SAGE1: variants seen among roughly 807,000 people sequenced by gnomAD.
SAGE1 encodes the protein cancer/testis antigen 14.
Under a neutral mutation model 55.4 loss-of-function variants are expected in SAGE1, and 55 were observed. That is an observed-to-expected ratio of 0.99 (90% CI 0.80 to 1.24). The LOEUF is 1.24. Ranked by LOEUF, SAGE1 falls within the 50% of genes most tolerant of loss-of-function variation. SAGE1 has a pLI of 0.00. For missense variants in SAGE1, 710 were observed against 704.4 expected (o/e 1.01, Z -0.09); for synonymous variants, 240 against 244.3 (o/e 0.98, Z 0.17).
At chrX:135,900,018 G>A (rs1369310724) in intron 2 of SAGE1, among the ~76,000 whole-genome samples, 4 of 110,697 alleles carry the variant, frequency 3.6e-5, no homozygotes, top group Non-Finnish European at 7.6e-5. Flanking sequence ...TGGACAGAAC[G>A]TGTAATACTA....
intron 3 of SAGE1, among the ~76,000 whole-genome samples, chrX:135,902,035 G>A (rs1402477844): frequency 1.3e-4 from 14 of 111,968 alleles, no homozygotes; most frequent in African/African-American, 2.9e-4. Context: ...AGCAGCATGC[G>A]ACACAGTTGT....
At chrX:135,907,235 C>G in intron 8 of SAGE1, 78 bp from the exon 9 acceptor site, 2 of 1,094,991 alleles carry the variant, frequency 1.8e-6, no homozygotes, top group Middle Eastern at 2.5e-4. Flanking sequence ...TTCTTAGAAG[C>G]TGAGCATCAT....
chrX:135,911,678 A>C lies in SAGE1; in HGVS notation c.2246A>C (p.Asn749Thr). The C allele has an allele frequency of 1.7e-6, 2 of 1,209,461 alleles. No individual in the cohort carries two copies. Among genetic ancestry groups the C allele is most frequent in the Non-Finnish European group, 2.2e-6 (2 of 893,272 alleles). ...LSNSDSPELI[N>T]MTGHCMPPNA... ...AATTCTGATTCACCAGAGCTGATAA[A>C]TATGACAGGACATTGTATGCCACCC... Residue 749 changes from asparagine (N) to threonine (T), a missense_variant, in exon 18 of 20, where the codon AAT becomes ACT. Asn to Thr is a moderately conservative substitution (Grantham distance 65). Transcript: ENST00000370709.
At position 135,908,221 on chromosome X, in the gene SAGE1, G is replaced by A. The variant is rs140797723; in HGVS notation, c.1292G>A (p.Arg431Lys). The A allele has an allele frequency of 3.3e-6, 4 of 1,206,317 alleles. No individual in the cohort carries two copies. The highest frequency in any genetic ancestry group is 4.5e-6 in the Non-Finnish European group (4 of 892,140). The change falls in exon 11 of 20, where the codon AGG (arginine) becomes AAG (lysine). Residue 431 changes from arginine (R) to lysine (K), a missense_variant. Arg to Lys is a conservative substitution (Grantham distance 26). Coordinates refer to ENST00000370709, the MANE Select transcript of SAGE1 (RefSeq NM_001381902.1). Reference protein sequence around the residue: ...AGAGIPPMSTRDQYATVNHHV... With the variant: ...AGAGIPPMSTKDQYATVNHHV... ...GCTGGTATTCCACCCATGAGTACCA[G>A]GGATCAGTGTATGTTTGCTTACTAG...
rs782372659 is a variant in SAGE1, at chrX:135,908,623, T to G, written c.1441+6T>G. On this transcript the variant is annotated splice_donor_region_variant and intron_variant, in intron 12 of 19. Coordinates refer to ENST00000370709, the MANE Select transcript of SAGE1 (RefSeq NM_001381902.1). ...AATGAGTTCCAGGGATCTGTGTATG[T>G]GTGTTTTTTAGTTATACCATCCTCC... The G allele has an allele frequency of 1.7e-6, 2 of 1,179,556 alleles. No individual in the cohort carries two copies. The highest frequency in any genetic ancestry group is 3.6e-5 in the African/African-American group (2 of 56,104).
rs1386626205 is a variant in SAGE1 at position 135,893,734 on chromosome X, G to T, written c.-48G>T. On this transcript the variant is annotated 5_prime_UTR_variant, in exon 1 of 20. Coordinates refer to ENST00000370709, the MANE Select transcript of SAGE1 (RefSeq NM_001381902.1). ...GGCCTTCACTATCAACTGCACAGCG[G>T]GCAGAGGCAGAGGAACACAGAACCT... 8.9e-6 allele frequency among the ~76,000 whole-genome samples: 1 copy of T among 112,067 alleles called. No homozygotes were observed. The highest frequency in any genetic ancestry group is 3.2e-5 in the African/African-American group (1 of 30,795).
intron 2 of SAGE1, among the ~76,000 whole-genome samples, chrX:135,896,724 T>C (rs2088592301): frequency 9.2e-6 from 1 of 108,923 alleles, no homozygotes; most frequent in Non-Finnish European, 1.9e-5. Flanking sequence ...ACACCCAGCT[T>C]ATTTTTTGTA....
chrX:135,903,853 C>T (rs2088730045), intron 3 of SAGE1, among the ~76,000 whole-genome samples: 2 of 112,139 alleles, frequency 1.8e-5, no homozygotes, highest in African/African-American at 3.2e-5. Context: ...ATTCTGCTGT[C>T]GTACTTCTTT....
chrX:135,902,965 G>A (rs1262925390), intron 3 of SAGE1, among the ~76,000 whole-genome samples: 1 of 111,633 alleles, frequency 9.0e-6, no homozygotes, highest in Non-Finnish European at 1.9e-5. Flanking sequence ...ATTTCAGCAC[G>A]TAAATCACAT....
intron 14 of SAGE1, 73 bp from the exon 15 acceptor site, chrX:135,909,957 A>G: frequency 9.3e-7 from 1 of 1,080,215 alleles, no homozygotes; most frequent in South Asian, 2.1e-5. Flanking sequence ...GAAGCTGAGC[A>G]TCAGGAAGAT....
At chrX:135,909,244 G>C (rs1192910979) in intron 13 of SAGE1, among the ~76,000 whole-genome samples, 2 of 111,647 alleles carry the variant, frequency 1.8e-5, no homozygotes, top group Non-Finnish European at 3.8e-5. Context: ...CTCTTCATGT[G>C]GTTTCCAGAT....
In SAGE1 at chrX:135,908,588, G is replaced by A; in HGVS notation, c.1412G>A (p.Ser471Asn). Residue 471 changes from serine (S) to asparagine (N), a missense_variant, in exon 12 of 20, where the codon AGT (serine) becomes AAT (asparagine). By Grantham distance (46) the Ser-to-Asn change is conservative (BLOSUM62 1). Coordinates refer to ENST00000370709, the MANE Select transcript of SAGE1 (RefSeq NM_001381902.1). ...LSGLINMAGA[S>N]IPAMSSRDLY... ...GGGCTTATTAATATGGCAGGAGCTA[G>A]TATTCCAGCAATGAGTTCCAGGGAT... 2 of 1,202,804 alleles carry A rather than the reference G, an allele frequency of 1.7e-6. No individual in the cohort carries two copies. Among genetic ancestry groups the A allele is most frequent in the African/African-American group, 3.5e-5 (2 of 57,511 alleles).
chrX:135,909,924 C>T (rs977080996), intron 14 of SAGE1, 106 bp from the exon 15 acceptor site: 81 of 1,008,123 alleles, frequency 8.0e-5, no homozygotes, highest in Non-Finnish European at 1.0e-4. Context: ...ATATCCTCTC[C>T]GGCTTTATGA....
At chrX:135,901,986 A>G (rs1256299893) in intron 3 of SAGE1, among the ~76,000 whole-genome samples, 2 of 111,936 alleles carry the variant, frequency 1.8e-5, no homozygotes, top group African/African-American at 6.5e-5. Context: ...ACTATCATCA[A>G]GGTCACCAGT....
At chrX:135,896,063 G>A (rs1478630832) in intron 1 of SAGE1, among the ~76,000 whole-genome samples, 180 bp from the exon 2 acceptor site, 4 of 111,323 alleles carry the variant, frequency 3.6e-5, no homozygotes, top group Non-Finnish European at 1.9e-5. Flanking sequence ...ATAGATTCTA[G>A]ACATGAGATT....
At chrX:135,907,184 C>G in intron 8 of SAGE1, 118 bp downstream of exon 8, 1 of 1,035,859 alleles carries the variant, frequency 9.7e-7, no homozygotes, top group Admixed American at 2.5e-5. Flanking sequence ...TGAGGGGTCT[C>G]AGATCACCAC....
chrX:135,893,920 TCTTC>T (rs1232988997), intron 1 of SAGE1, among the ~76,000 whole-genome samples, 139 bp downstream of exon 1: 1 of 112,393 alleles, frequency 8.9e-6, no homozygotes, highest in Admixed American at 9.4e-5. Flanking sequence ...TGGTATTATT[TCTTC>T]CTTAAATGTT....
Position 135,905,232 on chromosome X carries a change from C to T in SAGE1, c.314-20C>T, listed in dbSNP as rs1229963668. Reference sequence around the variant, plus strand: ...ATAATGCACATACCTCACAACTCAACCTGTTCCATCGGTTTCCAGATGCTA... The same window carrying T: ...ATAATGCACATACCTCACAACTCAATCTGTTCCATCGGTTTCCAGATGCTA... On this transcript the variant is annotated intron_variant, in intron 4 of 19. Coordinates refer to ENST00000370709, the MANE Select transcript of SAGE1 (RefSeq NM_001381902.1). 4 of 1,198,964 alleles carry T rather than the reference C, an allele frequency of 3.3e-6. No individual in the cohort carries two copies. Among genetic ancestry groups the T allele is most frequent in the Admixed American group, 2.2e-5 (1 of 45,614 alleles).
At chrX:135,909,543 GAACAATTT>G in intron 13 of SAGE1, 88 bp from the exon 14 acceptor site, 2 of 902,692 alleles carry the variant, frequency 2.2e-6, no homozygotes, top group Non-Finnish European at 3.1e-6. Context: ...CTGTGTTATG[GAACAATTT>G]CTTACAAACT....
Sources: allele counts gnomAD v4.1 joint callset (sites outside exome capture counted in the v4.1 genomes callset), GRCh38; gene constraint gnomAD v4.1.1; transcripts MANE v1.5; gene names NCBI Gene and HGNC (gene_info 2026-07-23, HGNC 2026-07-21).